NTN1: variants seen among roughly 807,000 people sequenced by gnomAD.
NTN1 encodes the protein netrin 1, also known as netrin-1.
NTN1 carries 11 observed loss-of-function variants against 54.2 expected under a neutral mutation model. That is an observed-to-expected ratio of 0.20 (90% CI 0.13 to 0.34). NTN1 has a LOEUF of 0.34. Among genes scored for constraint, NTN1 ranks in the 10% least tolerant of loss-of-function variants. NTN1 has a pLI of 1.00. For missense variants in NTN1, 740 were observed against 893.1 expected (o/e 0.83, Z 2.18); for synonymous variants, 371 against 382.0 (o/e 0.97, Z 0.33).
intron 2 of NTN1, among the ~76,000 whole-genome samples, chr17:9,078,757 G>C (rs1426870418): frequency 6.6e-6 from 1 of 152,208 alleles, no homozygotes; most frequent in African/African-American, 2.4e-5. Context: ...AGGAAAACTT[G>C]ATCTCTGGAG....
At chr17:9,161,821 C>G (rs949150782) in intron 2 of NTN1, among the ~76,000 whole-genome samples, 1 of 152,176 alleles carries the variant, frequency 6.6e-6, no homozygotes, top group Non-Finnish European at 1.5e-5. Context: ...TTCTGCTGAT[C>G]ATGCTGAGGG....
chr17:9,079,477 A>G (rs569788565), intron 2 of NTN1, among the ~76,000 whole-genome samples: 2 of 151,882 alleles, frequency 1.3e-5, no homozygotes, highest in Non-Finnish European at 2.9e-5. Context: ...TTTCCTTAAC[A>G]CTATTCTTTC....
chr17:9,194,235 C>CA (rs35308916), intron 5 of NTN1, among the ~76,000 whole-genome samples: 14,701 of 148,774 alleles, frequency 0.099, 831 homozygotes, highest in East Asian at 0.2. Context: ...GACTCTGTCT[C>CA]AAAAAAAAAA....
chr17:9,172,294 G>A lies in NTN1; in HGVS notation c.1208-7513G>A, dbSNP rs576402348. ...GGGCAGATCACGAGGTCAGGAGATC[G>A]AGACCATCCTGGGAAACATAGTGAA... On this transcript the variant is annotated intron_variant, in intron 3 of 6. Coordinates refer to ENST00000173229, the MANE Select transcript of NTN1 (RefSeq NM_004822.3). Among the ~76,000 whole-genome samples, 24 of 152,034 alleles carry A rather than the reference G, an allele frequency of 1.6e-4. No homozygotes were observed. In the South Asian group the frequency reaches 4.6e-3, roughly 29 times the overall value.
chr17:9,184,037 GA>G (rs963212203), intron 5 of NTN1, among the ~76,000 whole-genome samples: 1 of 152,200 alleles, frequency 6.6e-6, no homozygotes, highest in Non-Finnish European at 1.5e-5. Flanking sequence ...GCCTCCCCCA[GA>G]AAGGACTGTA....
chr17:9,116,741 C>T (rs1050786192), intron 2 of NTN1, among the ~76,000 whole-genome samples: 2 of 152,130 alleles, frequency 1.3e-5, no homozygotes, highest in Non-Finnish European at 1.5e-5. Context: ...GACTGACTGT[C>T]CTTTCACAGA....
rs191582231 is a variant in NTN1, at chr17:9,127,972, C to T, written c.1019-34841C>T. 3.9e-5 allele frequency among the ~76,000 whole-genome samples: 6 copies of T among 151,932 alleles called. 1 individual carries two copies. The East Asian group carries it at 1.2e-3, about 29-fold the overall frequency. ...TCTCTACTAAAAATAGAAAAATTAGCTGGGCATGGTGGCACACGCCTGTAA... is the reference window on the plus strand; with the variant it reads ...TCTCTACTAAAAATAGAAAAATTAGTTGGGCATGGTGGCACACGCCTGTAA... On this transcript the variant is annotated intron_variant, in intron 2 of 6. Transcript: ENST00000173229.
chr17:9,030,122 T>C (rs1424366228), intron 2 of NTN1, among the ~76,000 whole-genome samples: 1 of 152,236 alleles, frequency 6.6e-6, no homozygotes, highest in Non-Finnish European at 1.5e-5. Flanking sequence ...GAAGGGACTG[T>C]GGCCATGTGA....
In NTN1 at chr17:9,161,325, C is replaced by T. The variant is rs564234133; in HGVS notation, c.1019-1488C>T. On this transcript the variant is annotated intron_variant, in intron 2 of 6. Transcript: ENST00000173229. ...AGCCCCAGAGGGGCAGGCGAGGGGT[C>T]CTTGCACGTGGCTCTAGAAACAGAC... Among the ~76,000 whole-genome samples the T allele has an allele frequency of 3.0e-3, 460 of 152,240 alleles. 2 individuals are homozygous for T. The highest frequency in any genetic ancestry group is 4.7e-3 in the Non-Finnish European group (317 of 68,020).
chr17:9,089,274 G>A (rs1386599265), intron 2 of NTN1, among the ~76,000 whole-genome samples: 2 of 152,116 alleles, frequency 1.3e-5, no homozygotes, highest in Non-Finnish European at 2.9e-5. Context: ...AGTTAGCCAG[G>A]TGTGGTGGCG....
intron 2 of NTN1, among the ~76,000 whole-genome samples, chr17:9,143,468 C>G (rs1404828691): frequency 9.8e-6 from 1 of 101,790 alleles, no homozygotes; most frequent in Non-Finnish European, 1.8e-5. Flanking sequence ...CCAGCATCCT[C>G]ACTTTGCTGT....
At chr17:9,119,920 A>G (rs2092226979) in intron 2 of NTN1, among the ~76,000 whole-genome samples, 1 of 151,958 alleles carries the variant, frequency 6.6e-6, no homozygotes, top group Admixed American at 6.6e-5. Flanking sequence ...GGCTATTTGT[A>G]TACGTTCTTT....
chr17:9,138,229 C>T (rs923616847), intron 2 of NTN1, among the ~76,000 whole-genome samples: 1 of 152,216 alleles, frequency 6.6e-6, no homozygotes, highest in African/African-American at 2.4e-5. Context: ...CATTCCTTTC[C>T]CCAAATTGCT....
chr17:9,172,191 C>A (rs1231810169), intron 3 of NTN1, among the ~76,000 whole-genome samples: 1 of 152,056 alleles, frequency 6.6e-6, no homozygotes, highest in Non-Finnish European at 1.5e-5. Context: ...CCTGGCCAGG[C>A]TAACCTTTTA....
intron 2 of NTN1, among the ~76,000 whole-genome samples, chr17:9,154,595 G>C (rs992634011): frequency 6.6e-6 from 1 of 152,082 alleles, no homozygotes; most frequent in Admixed American, 6.6e-5. Flanking sequence ...TAGGTGTGTG[G>C]GCAGCTGGAG....
At chr17:9,034,754 G>A (rs2091898196) in intron 2 of NTN1, among the ~76,000 whole-genome samples, 1 of 151,928 alleles carries the variant, frequency 6.6e-6, no homozygotes, top group Non-Finnish European at 1.5e-5. Context: ...CTTTATTGTA[G>A]TGTAACACAT....
At chr17:9,185,315 C>T (rs558078912) in intron 5 of NTN1, among the ~76,000 whole-genome samples, 2 of 152,012 alleles carry the variant, frequency 1.3e-5, no homozygotes, top group East Asian at 1.9e-4. Context: ...AAGCGGGGCC[C>T]GGGAGCTCAG....
chr17:9,204,404 C>T (rs1904911955), intron 5 of NTN1, among the ~76,000 whole-genome samples: 1 of 152,106 alleles, frequency 6.6e-6, no homozygotes, highest in Non-Finnish European at 1.5e-5. Context: ...AGTGATTCTT[C>T]TGCCTCAGCC....
chr17:9,104,088 C>CAAAAAAA (rs55732200), intron 2 of NTN1, among the ~76,000 whole-genome samples: 62 of 70,736 alleles, frequency 8.8e-4, no homozygotes, highest in Admixed American at 1.2e-3. Context: ...GACTCCATCT[C>CAAAAAAA]AAAAAAAAAA....
Sources: allele counts gnomAD v4.1 joint callset (sites outside exome capture counted in the v4.1 genomes callset), GRCh38; gene constraint gnomAD v4.1.1; transcripts MANE v1.5; gene names NCBI Gene and HGNC (gene_info 2026-07-23, HGNC 2026-07-21).